HSD17B3: variants seen among roughly 807,000 people sequenced by gnomAD.
The protein encoded by HSD17B3 is hydroxysteroid 17-beta dehydrogenase 3.
A neutral mutation model predicts 41.1 loss-of-function variants in HSD17B3; 29 were observed. The ratio of observed to expected loss-of-function variants is 0.71; its 90% CI spans 0.53 to 0.96. The LOEUF is 0.96. Among genes scored for constraint, HSD17B3 ranks in the 40% least tolerant of loss-of-function variants. HSD17B3 has a pLI of 0.00. For missense variants in HSD17B3, 323 were observed against 374.6 expected (o/e 0.86, Z 1.14); for synonymous variants, 126 against 145.6 (o/e 0.87, Z 0.97).
intron 2 of HSD17B3, among the ~76,000 whole-genome samples, chr9:96,270,964 G>GC (rs1826224750): frequency 7.6e-6 from 1 of 132,252 alleles, no homozygotes; most frequent in African/African-American, 2.8e-5. Context: ...GGGGGGGGGG[G>GC]TTAAGATTGA....
At chr9:96,265,305 T>C (rs1176255849) in intron 2 of HSD17B3, among the ~76,000 whole-genome samples, 1 of 152,258 alleles carries the variant, frequency 6.6e-6, no homozygotes, top group Non-Finnish European at 1.5e-5. Context: ...TATAAATCCC[T>C]ATTGCTTAAA....
In HSD17B3 at chr9:96,249,737, T is replaced by C; in HGVS notation, c.489+14A>G. The C allele has an allele frequency of 6.2e-7, 1 of 1,613,432 alleles. No individual in the cohort carries two copies. The highest frequency in any genetic ancestry group is 1.1e-5 in the South Asian group (1 of 91,082). On this transcript the variant is annotated intron_variant, in intron 6 of 10. Coordinates refer to ENST00000375263, the MANE Select transcript of HSD17B3 (RefSeq NM_000197.2). Reference sequence around the variant, plus strand: ...TACATGTTAATGCATTTCGCACATATATTGATCACATACCTTGACTACGGA... The same window carrying C: ...TACATGTTAATGCATTTCGCACATACATTGATCACATACCTTGACTACGGA...
At chr9:96,288,619 A>G (rs1468934666) in intron 2 of HSD17B3, among the ~76,000 whole-genome samples, 1 of 151,812 alleles carries the variant, frequency 6.6e-6, no homozygotes, top group Admixed American at 6.6e-5. Flanking sequence ...CCCCACCACC[A>G]CCACCATCTC....
At chr9:96,236,403 GC>G (rs1836240512) in intron 10 of HSD17B3, among the ~76,000 whole-genome samples, 1 of 151,924 alleles carries the variant, frequency 6.6e-6, no homozygotes, top group African/African-American at 2.4e-5. Context: ...TGTAGTCTCA[GC>G]TACTCGGGAG....
intron 2 of HSD17B3, among the ~76,000 whole-genome samples, chr9:96,294,196 C>T (rs1028489082): frequency 6.6e-5 from 10 of 151,692 alleles, no homozygotes; most frequent in Non-Finnish European, 1.5e-4. Flanking sequence ...AAGAGGATTG[C>T]TTAAGCTTAG....
In HSD17B3 at chr9:96,302,046, C is replaced by A; in HGVS notation, c.59G>T (p.Cys20Phe). The A allele has an allele frequency of 6.2e-7, 1 of 1,614,168 alleles. No homozygotes were observed. The highest frequency in any genetic ancestry group is 8.5e-7 in the Non-Finnish European group (1 of 1,180,028). ...GGAGAATCTCACGCACTTCGCCAGG[C>A]AGGCCAGGCACACCAGCAGCCCTGT... is the stretch of plus-strand genomic sequence containing the variant. Reference protein sequence around the residue: ...ILTGLLVCLACLAKCVRFSRC... With the variant: ...ILTGLLVCLAFLAKCVRFSRC... The change falls in exon 1 of 11, where the codon TGC (cysteine) becomes TTC (phenylalanine). Residue 20 changes from cysteine (C) to phenylalanine (F), a missense_variant. Physicochemically the swap from Cys to Phe is radical, Grantham distance 205. Coordinates refer to ENST00000375263, the MANE Select transcript of HSD17B3 (RefSeq NM_000197.2).
chr9:96,276,760 G>A (rs1826473845), intron 2 of HSD17B3, among the ~76,000 whole-genome samples: 1 of 152,112 alleles, frequency 6.6e-6, no homozygotes, highest in South Asian at 2.1e-4. Flanking sequence ...CCACCCCAAA[G>A]GGATTAAAGA....
At chr9:96,263,527 C>T (rs1422181125) in intron 2 of HSD17B3, among the ~76,000 whole-genome samples, 3 of 150,062 alleles carry the variant, frequency 2.0e-5, no homozygotes, top group Non-Finnish European at 1.5e-5. Context: ...ACCATCCTGG[C>T]TAACACAGTG....
At chr9:96,242,925 T>A (rs1432045050) in intron 9 of HSD17B3, among the ~76,000 whole-genome samples, 1 of 152,220 alleles carries the variant, frequency 6.6e-6, no homozygotes, top group African/African-American at 2.4e-5. Flanking sequence ...CCTGTGGCTG[T>A]GTAGGACCAT....
intron 2 of HSD17B3, among the ~76,000 whole-genome samples, chr9:96,272,096 C>T (rs12553488): frequency 0.28 from 42,046 of 151,282 alleles, 6,665 homozygotes; most frequent in Non-Finnish European, 0.37. Context: ...AGGTCAGGCA[C>T]GGTGGCTCAC....
chr9:96,255,367 C>CTTTTTTTTTTTTTTTTTTTT lies in HSD17B3; in HGVS notation c.202-444_202-425dup, dbSNP rs869145717. Among the ~76,000 whole-genome samples, 27 of 54,562 alleles carry CTTTTTTTTTTTTTTTTTTTT rather than the reference C, an allele frequency of 4.9e-4. 7 individuals are homozygous for CTTTTTTTTTTTTTTTTTTTT. Among genetic ancestry groups the CTTTTTTTTTTTTTTTTTTTT allele is most frequent in the East Asian group, 7.3e-4 (1 of 1,374 alleles). 35.8% of individuals were successfully genotyped at this position (54,562 alleles called of 152,430 possible). ...AAGCAGTGTTTCTGCCCCAACATTT[C>CTTTTTTTTTTTTTTTTTTTT]TTTTTTTTTTTTTTTTTTTTTTTTT... On this transcript the variant is annotated intron_variant, in intron 2 of 10. Coordinates refer to ENST00000375263, the MANE Select transcript of HSD17B3 (RefSeq NM_000197.2).
intron 10 of HSD17B3, 74 bp from the exon 11 acceptor site, chr9:96,235,644 A>G: frequency 9.4e-7 from 1 of 1,060,318 alleles, no homozygotes; most frequent in Non-Finnish European, 1.4e-6. Flanking sequence ...GTGGTCTTTA[A>G]AAATATTTTT....
Position 96,302,166 on chromosome 9 carries a change from C to A in HSD17B3, c.-62G>T. On this transcript the variant is annotated 5_prime_UTR_variant, in exon 1 of 11. Coordinates refer to ENST00000375263, the MANE Select transcript of HSD17B3 (RefSeq NM_000197.2). ...GCTCTCTGTGTATGCCTCCTGGGAC[C>A]ACGCTGCTCTGGAGACCTCCAGATC... The A allele has an allele frequency of 6.4e-7, 1 of 1,560,018 alleles. No homozygotes were observed. Among genetic ancestry groups the A allele is most frequent in the South Asian group, 1.1e-5 (1 of 87,674 alleles).
At chr9:96,291,494 T>A (rs1473164154) in intron 2 of HSD17B3, among the ~76,000 whole-genome samples, 3 of 152,092 alleles carry the variant, frequency 2.0e-5, no homozygotes, top group Admixed American at 2.0e-4. Flanking sequence ...AAGATTTAAA[T>A]AAGATCCAGA....
At chr9:96,235,935 A>G (rs184727948) in intron 10 of HSD17B3, among the ~76,000 whole-genome samples, 146 of 151,796 alleles carry the variant, frequency 9.6e-4, no homozygotes, top group Non-Finnish European at 3.5e-4. Flanking sequence ...CCTCTTGAGT[A>G]GCTGGTACCA....
chr9:96,280,021 G>T (rs1826625194), intron 2 of HSD17B3, among the ~76,000 whole-genome samples: 2 of 152,052 alleles, frequency 1.3e-5, no homozygotes, highest in African/African-American at 2.4e-5. Flanking sequence ...TGCCCGCCTG[G>T]GCCTCCCAAA....
chr9:96,255,089 A>G (rs917955569), intron 2 of HSD17B3, 146 bp from the exon 3 acceptor site: 1 of 742,278 alleles, frequency 1.3e-6, no homozygotes. Flanking sequence ...AGAATGTGAC[A>G]AAGCTTTCTG....
intron 2 of HSD17B3, among the ~76,000 whole-genome samples, chr9:96,277,835 G>GCACACACACA (rs3222260): frequency 0.011 from 1,653 of 145,994 alleles, 32 homozygotes; most frequent in African/African-American, 0.035. Flanking sequence ...GGAAAATGTG[G>GCACACACACA]CACACACACA....
At position 96,235,559 on chromosome 9, in the gene HSD17B3, C is replaced by G. The variant is rs750614292; in HGVS notation, c.834G>C (p.Leu278=). The change falls in exon 11 of 11, where the codon CTG becomes CTC. Residue 278 remains leucine, a synonymous_variant. Coordinates refer to ENST00000375263, the MANE Select transcript of HSD17B3 (RefSeq NM_000197.2). ...AGAAGGCCCAGGCCGGGATCAGGCT[C>G]AGAAAGCCCGCCTTAAACAGAGAGA... The part of the protein sequence containing the change: ...CLAHEILAGF[L]SLIPAWAFYS... 1 of 1,613,904 alleles carries G rather than the reference C, an allele frequency of 6.2e-7. No individual in the cohort carries two copies.
Sources: gnomAD v4.1 joint callset for allele counts (sites outside exome capture counted in the v4.1 genomes callset) on GRCh38, gnomAD v4.1.1 for gene constraint, MANE v1.5 for transcripts, NCBI Gene and HGNC (gene_info 2026-07-23, HGNC 2026-07-21) for gene names.